DNAJC13: variants seen among roughly 807,000 people sequenced by gnomAD.
The protein encoded by DNAJC13 is DnaJ heat shock protein family (Hsp40) member C13.
A neutral mutation model predicts 290.5 loss-of-function variants in DNAJC13; 75 were observed. The ratio of observed to expected loss-of-function variants is 0.26; its 90% confidence interval spans 0.21 to 0.31. The LOEUF (loss-of-function observed/expected upper bound fraction) is 0.31, where lower values mean the gene tolerates loss of function less well. Ranked by LOEUF, DNAJC13 falls within the 10% of genes least tolerant of loss-of-function variation. DNAJC13 has a pLI of 1.00. For synonymous variants in DNAJC13, 862 were observed against 892.0 expected (o/e 0.97, Z 0.60); for missense variants, 2,260 against 2,674.5 (o/e 0.85, Z 3.42).
intron 14 of DNAJC13, 116 bp from the exon 15 acceptor site, chr3:132,460,934 A>T: frequency 1.0e-6 from 1 of 987,186 alleles, no homozygotes; most frequent in Non-Finnish European, 1.5e-6. Flanking sequence ...TTGAGAAATT[A>T]AAGTCAATGT....
At chr3:132,526,605 A>G (rs1240741888) in intron 53 of DNAJC13, among the ~76,000 whole-genome samples, 2 of 152,178 alleles carry the variant, frequency 1.3e-5, no homozygotes, top group East Asian at 1.9e-4. Context: ...CCATTGTGCA[A>G]TTAGCTTAGT....
chr3:132,426,597 TG>T (rs1939097397), intron 1 of DNAJC13, among the ~76,000 whole-genome samples: 1 of 152,046 alleles, frequency 6.6e-6, no homozygotes, highest in Non-Finnish European at 1.5e-5. Context: ...TATATTTGAC[TG>T]TTACTGATAT....
intron 33 of DNAJC13, among the ~76,000 whole-genome samples, chr3:132,492,900 A>G (rs867199360): frequency 6.6e-6 from 1 of 151,962 alleles, no homozygotes. Flanking sequence ...ATATAGTATT[A>G]TATACTATAA....
chr3:132,514,913 C>G, intron 46 of DNAJC13: 4 of 133,930 alleles, frequency 3.0e-5, no homozygotes, highest in Non-Finnish European at 4.1e-5. Flanking sequence ...CTGGGATTTT[C>G]AGTTTGTTGA....
chr3:132,505,243 G>T lies in DNAJC13; in HGVS notation c.4885-59G>T. 4 of 1,068,502 alleles carry T rather than the reference G, an allele frequency of 3.7e-6. No homozygotes were observed. In the Admixed American group the frequency reaches 7.9e-5, roughly 21 times the overall value. 66.2% of individuals were successfully genotyped at this position (1,068,502 alleles called of 1,614,324 possible). ...GGCCTATAATAGACATTTTTAATAA[G>T]TGATAATGTCAATAAGTTTTTTCAC... On this transcript the variant is annotated intron_variant, in intron 41 of 55. Transcript: ENST00000260818.
chr3:132,434,888 C>T (rs1040139371), intron 2 of DNAJC13, among the ~76,000 whole-genome samples: 2 of 152,132 alleles, frequency 1.3e-5, no homozygotes, highest in Non-Finnish European at 2.9e-5. Flanking sequence ...CTCTTGTATG[C>T]TATCAATTAA....
At chr3:132,525,312 C>T (rs1936221453) in intron 51 of DNAJC13, among the ~76,000 whole-genome samples, 1 of 152,140 alleles carries the variant, frequency 6.6e-6, no homozygotes, top group Non-Finnish European at 1.5e-5. Context: ...TGCACTCCAG[C>T]CTGGGCAACA....
In DNAJC13 at chr3:132,499,148, A is replaced by G. The variant is rs780517867; in HGVS notation, c.4179A>G (p.Ala1393=). The change falls in exon 37 of 56, where the codon GCA becomes GCG. Residue 1393 remains alanine, a synonymous_variant. Transcript: ENST00000260818. Reference sequence around the variant, plus strand: ...CAGATTTACAGCCTTATAAATATGCAGGATACCCCATGCTTATTCGGACTA... The same window carrying G: ...CAGATTTACAGCCTTATAAATATGCGGGATACCCCATGCTTATTCGGACTA... ...HKEDLQPYKY[A]GYPMLIRTIT... 1 of 1,606,610 alleles carries G rather than the reference A, an allele frequency of 6.2e-7. No individual in the cohort carries two copies. The highest frequency in any genetic ancestry group is 1.1e-5 in the South Asian group (1 of 90,276).
Position 132,523,614 on chromosome 3 carries a change from C to A in DNAJC13, c.5961C>A (p.Ile1987=), listed in dbSNP as rs145449821. ...CTGTTGGAGGAGTCTTCTTGAGGAT[C>A]TTTATTGCACAACCAGCCTGGGTTC... is the stretch of plus-strand genomic sequence containing the variant. The part of the protein sequence containing the change: ...ELAVGGVFLR[I]FIAQPAWVLR... Residue 1987 remains isoleucine, a synonymous_variant, in exon 51 of 56, where the codon ATC becomes ATA. Transcript: ENST00000260818. The A allele has an allele frequency of 1.8e-4, 298 of 1,613,938 alleles. 1 individual carries two copies. Among genetic ancestry groups the A allele is most frequent in the Admixed American group, 3.2e-4 (19 of 59,988 alleles).
intron 48 of DNAJC13, among the ~76,000 whole-genome samples, chr3:132,518,800 C>T (rs6768436): frequency 0.6 from 91,044 of 151,988 alleles, 29,445 homozygotes; most frequent in East Asian, 0.87. Context: ...TTAGGTTTGA[C>T]TTTCATCAAC....
chr3:132,434,491 A>AGT, intron 1 of DNAJC13, 47 bp from the exon 2 acceptor site: 15 of 1,314,312 alleles, frequency 1.1e-5, no homozygotes, highest in African/African-American at 1.5e-5. Flanking sequence ...TGGAAAGATT[A>AGT]AAGATATATA....
intron 46 of DNAJC13, among the ~76,000 whole-genome samples, chr3:132,515,315 C>G (rs868325615): frequency 6.6e-6 from 1 of 152,164 alleles, no homozygotes; most frequent in African/African-American, 2.4e-5. Flanking sequence ...TTTGAAGTCA[C>G]ATTAATCTAG....
At chr3:132,453,948 G>T (rs1933503485) in intron 8 of DNAJC13, 118 bp from the exon 9 acceptor site, 6 of 868,662 alleles carry the variant, frequency 6.9e-6, no homozygotes, top group Non-Finnish European at 1.1e-5. Context: ...CTCTTATATT[G>T]TAAACAAGTC....
Position 132,522,900 on chromosome 3 carries a change from G to C in DNAJC13, c.5746G>C (p.Val1916Leu), listed in dbSNP as rs1316193917. The change falls in exon 49 of 56, where the codon GTA becomes CTA. Residue 1916 changes from valine (V) to leucine (L), a missense_variant. Physicochemically the swap from Val to Leu is conservative, Grantham distance 32 (BLOSUM62 1). Coordinates refer to ENST00000260818, the MANE Select transcript of DNAJC13 (RefSeq NM_015268.4). ...DAMRDNPEAAVHIFEGTHENP... is the reference protein window; with the variant it reads ...DAMRDNPEAALHIFEGTHENP... ...TATGAGAGACAATCCTGAAGCTGCT[G>C]TACATATTTTTGAAGGAACTCATGA... 1 of 1,613,528 alleles carries C rather than the reference G, an allele frequency of 6.2e-7. No homozygotes were observed. The highest frequency in any genetic ancestry group is 1.1e-5 in the South Asian group (1 of 90,976).
intron 21 of DNAJC13, 92 bp downstream of exon 21, chr3:132,473,319 T>G (rs1352258796): frequency 2.4e-6 from 2 of 835,292 alleles, no homozygotes; most frequent in Non-Finnish European, 3.8e-6. Flanking sequence ...AACTGTTGCT[T>G]TATGCCACAT....
chr3:132,524,038 C>G (rs1936175754), intron 51 of DNAJC13: 1 of 198,672 alleles, frequency 5.0e-6, no homozygotes, highest in African/African-American at 2.3e-5. Context: ...CCTGTGTGTT[C>G]GGTGTTCCTC....
chr3:132,479,491 C>T (rs1410406146), intron 25 of DNAJC13, among the ~76,000 whole-genome samples: 5 of 151,976 alleles, frequency 3.3e-5, no homozygotes, highest in African/African-American at 4.8e-5. Context: ...ATTGTGGGTG[C>T]AGAATGAATT....
At chr3:132,479,976 G>A (rs1260946052) in intron 25 of DNAJC13, among the ~76,000 whole-genome samples, 1 of 148,506 alleles carries the variant, frequency 6.7e-6, no homozygotes, top group Non-Finnish European at 1.5e-5. Flanking sequence ...TACCAGTTAA[G>A]TTTATGAAAA....
At chr3:132,431,057 C>G (rs893808187) in intron 1 of DNAJC13, among the ~76,000 whole-genome samples, 1 of 152,178 alleles carries the variant, frequency 6.6e-6, no homozygotes, top group Admixed American at 6.5e-5. Flanking sequence ...GCATGAATTG[C>G]TGATGCCTTT....
Sources: allele counts gnomAD v4.1 joint callset (sites outside exome capture counted in the v4.1 genomes callset), GRCh38; gene constraint gnomAD v4.1.1; transcripts MANE v1.5; gene names NCBI Gene and HGNC (gene_info 2026-07-23, HGNC 2026-07-21).